SEMA3E: variants seen among roughly 807,000 people sequenced by gnomAD.
SEMA3E encodes the protein semaphorin 3E.
SEMA3E carries 49 observed loss-of-function variants against 93.6 expected under a neutral mutation model. The observed-to-expected ratio is 0.52, with a 90% confidence interval of 0.42 to 0.66. The LOEUF is 0.66. SEMA3E is among the 30% of genes least tolerant of loss of function. The pLI, the probability that SEMA3E is intolerant of heterozygous loss-of-function variation, is 0.00. For missense variants in SEMA3E, 906 were observed against 964.8 expected (o/e 0.94, Z 0.81); for synonymous variants, 363 against 330.7 (o/e 1.10, Z -1.06).
chr7:83,396,725 A>C lies in SEMA3E; in HGVS notation c.1371T>G (p.Asn457Lys). 6.3e-7 allele frequency: 1 copy of C among 1,588,724 alleles called. No homozygotes were observed. Among genetic ancestry groups the C allele is most frequent in the Non-Finnish European group, 8.6e-7 (1 of 1,159,524 alleles). Residue 457 changes from asparagine to lysine, a missense_variant, in exon 12 of 17, where the codon AAT (asparagine) becomes AAG (lysine). Transcript: ENST00000643230. ...TTGTGATTACTTTCAGCACAATTCC[A>C]TTATCTGTAAGAAAACAAAACAAGA... The part of the protein sequence containing the change: ...QYDVLFIGTD[N>K]GIVLKVITIY...
At chr7:83,386,425 T>C (rs1787882437) in intron 15 of SEMA3E, among the ~76,000 whole-genome samples, 2 of 152,164 alleles carry the variant, frequency 1.3e-5, no homozygotes, top group South Asian at 2.1e-4. Flanking sequence ...TTCTTTCTTA[T>C]ATTCCTTACT....
chr7:83,625,927 T>A (rs1169732833), intron 1 of SEMA3E, among the ~76,000 whole-genome samples: 1 of 152,178 alleles, frequency 6.6e-6, no homozygotes, highest in Non-Finnish European at 1.5e-5. Context: ...GGGTGTTGAA[T>A]TTTATCAAAG....
chr7:83,407,874 A>G (rs1396658073), intron 6 of SEMA3E, among the ~76,000 whole-genome samples: 8 of 152,162 alleles, frequency 5.3e-5, no homozygotes, highest in Non-Finnish European at 1.0e-4. Context: ...ATAAAACAAT[A>G]TTCTAGCACC....
chr7:83,367,026 G>GACC lies in SEMA3E; in HGVS notation c.*559_*560insGGT, dbSNP rs142197475. 9,194 of 153,984 alleles carry GACC rather than the reference G, an allele frequency of 0.06. 921 individuals carry two copies. The highest frequency in any genetic ancestry group is 0.21 in the African/African-American group (8,685 of 41,478). 9.5% of individuals were successfully genotyped at this position (153,984 alleles called of 1,614,324 possible). On this transcript the variant is annotated 3_prime_UTR_variant, in exon 17 of 17. Coordinates refer to ENST00000643230, the MANE Select transcript of SEMA3E (RefSeq NM_012431.3). The stretch of plus-strand genomic sequence containing the variant: ...TTACGAAGGGCACAAGCCTCAGAAT[G>GACC]ACATTTTTCCTTTCATGGGTTACAG...
intron 4 of SEMA3E, among the ~76,000 whole-genome samples, chr7:83,455,050 G>A (rs1035035330): frequency 6.6e-6 from 1 of 152,148 alleles, no homozygotes; most frequent in Non-Finnish European, 1.5e-5. Context: ...TAGCTGTGCT[G>A]CTACTTTCTG....
chr7:83,440,282 TAGGAGCCTA>T (rs1346169562), intron 4 of SEMA3E, among the ~76,000 whole-genome samples: 2 of 152,078 alleles, frequency 1.3e-5, no homozygotes, highest in African/African-American at 2.4e-5. Flanking sequence ...GAGGAGAACA[TAGGAGCCTA>T]TTTCTTGTCC....
At chr7:83,588,136 C>T (rs1792670548) in intron 1 of SEMA3E, among the ~76,000 whole-genome samples, 1 of 152,088 alleles carries the variant, frequency 6.6e-6, no homozygotes, top group Non-Finnish European at 1.5e-5. Context: ...GTAATCCCAG[C>T]ACTTTGGGAG....
rs183886700 is a variant in SEMA3E, at chr7:83,480,855, T to C, written c.276+9259A>G. ...GTCATAACATAATAAAATATCATTA[T>C]CTCTTCTGGTCGCATCTTGAAATTA... On this transcript the variant is annotated intron_variant, in intron 2 of 16. Coordinates refer to ENST00000643230, the MANE Select transcript of SEMA3E (RefSeq NM_012431.3). 6.6e-3 allele frequency among the ~76,000 whole-genome samples: 1,002 copies of C among 152,294 alleles called. 17 individuals carry two copies. Among genetic ancestry groups the C allele is most frequent in the Non-Finnish European group, 6.0e-3 (407 of 68,018 alleles).
intron 1 of SEMA3E, among the ~76,000 whole-genome samples, chr7:83,512,304 A>T (rs1252146036): frequency 6.6e-6 from 1 of 152,212 alleles, no homozygotes; most frequent in Non-Finnish European, 1.5e-5. Flanking sequence ...AAGTCTTTGG[A>T]GAGGAGCAGC....
At chr7:83,473,761 A>C (rs185729041) in intron 2 of SEMA3E, among the ~76,000 whole-genome samples, 1 of 152,214 alleles carries the variant, frequency 6.6e-6, no homozygotes, top group Admixed American at 6.5e-5. Flanking sequence ...TTAGTTTCTA[A>C]AATCTCATAT....
chr7:83,416,775 A>G (rs370558196), intron 5 of SEMA3E, among the ~76,000 whole-genome samples: 1 of 151,954 alleles, frequency 6.6e-6, no homozygotes, highest in Non-Finnish European at 1.5e-5. Context: ...AGAAAAATTC[A>G]CTAACAACTT....
intron 1 of SEMA3E, among the ~76,000 whole-genome samples, chr7:83,593,493 C>A (rs987871373): frequency 6.6e-6 from 1 of 151,778 alleles, no homozygotes; most frequent in Non-Finnish European, 1.5e-5. Context: ...AATCTTAAAA[C>A]AATATTTAGA....
intron 1 of SEMA3E, among the ~76,000 whole-genome samples, chr7:83,492,138 C>T (rs1328204025): frequency 6.6e-6 from 1 of 151,958 alleles, no homozygotes; most frequent in Admixed American, 6.6e-5. Flanking sequence ...AGGATGGTTA[C>T]GCACTAGCTT....
intron 1 of SEMA3E, among the ~76,000 whole-genome samples, chr7:83,594,678 G>A (rs184703294): frequency 2.0e-5 from 3 of 152,108 alleles, no homozygotes; most frequent in Middle Eastern, 3.4e-3. Context: ...AGTGGATAGT[G>A]GCTCATTACT....
intron 1 of SEMA3E, among the ~76,000 whole-genome samples, chr7:83,503,813 C>T (rs1584293885): frequency 6.6e-6 from 1 of 152,132 alleles, no homozygotes; most frequent in South Asian, 2.1e-4. Context: ...AAGTTGTCTG[C>T]CACTGACCTA....
chr7:83,613,336 C>T (rs1416236924), intron 1 of SEMA3E, among the ~76,000 whole-genome samples: 1 of 152,018 alleles, frequency 6.6e-6, no homozygotes, highest in African/African-American at 2.4e-5. Flanking sequence ...AAGGAATTAT[C>T]AATTCTTCCC....
chr7:83,608,593 G>A (rs899742667), intron 1 of SEMA3E, among the ~76,000 whole-genome samples: 12 of 151,976 alleles, frequency 7.9e-5, no homozygotes, highest in African/African-American at 2.7e-4. Context: ...CCCCTCTCTT[G>A]TTCTCACTGT....
intron 1 of SEMA3E, among the ~76,000 whole-genome samples, chr7:83,594,751 A>G (rs1309934588): frequency 6.6e-6 from 1 of 151,994 alleles, no homozygotes; most frequent in Non-Finnish European, 1.5e-5. Context: ...AACCATCTCC[A>G]CATAGCTCAG....
intron 5 of SEMA3E, among the ~76,000 whole-genome samples, chr7:83,417,017 GGA>G (rs368006308): frequency 3.1e-5 from 3 of 96,190 alleles, no homozygotes; most frequent in Admixed American, 1.2e-4. Flanking sequence ...ACACACACAG[GGA>G]GAGAGAGAGA....
Sources: allele counts gnomAD v4.1 joint callset (sites outside exome capture counted in the v4.1 genomes callset), GRCh38; gene constraint gnomAD v4.1.1; transcripts MANE v1.5; gene names NCBI Gene and HGNC (gene_info 2026-07-23, HGNC 2026-07-21).